Variants in ROR1 observed in about 807,000 individuals in gnomAD.
The protein encoded by ROR1 is ROR family WNT receptor 1.
ROR1 carries 19 observed loss-of-function variants against 78.8 expected under a neutral mutation model. That is an observed-to-expected ratio of 0.24 (90% CI 0.17 to 0.35). The LOEUF is 0.35. Ranked by LOEUF, ROR1 falls within the 10% of genes least tolerant of loss-of-function variation. The pLI is 1.00. For missense variants in ROR1, 917 were observed against 1,177.8 expected (o/e 0.78, Z 3.24); for synonymous variants, 386 against 433.6 (o/e 0.89, Z 1.36).
chr1:64,016,025 C>T (rs559367688), intron 2 of ROR1, among the ~76,000 whole-genome samples: 4 of 152,194 alleles, frequency 2.6e-5, no homozygotes, highest in African/African-American at 9.7e-5. Flanking sequence ...TCCCCACCAA[C>T]TCCCTTCTGT....
chr1:64,009,457 C>A, intron 2 of ROR1, 81 bp downstream of exon 2: 3 of 1,114,826 alleles, frequency 2.7e-6, no homozygotes, highest in South Asian at 1.3e-5. Flanking sequence ...TCTTTGAAAT[C>A]AACTGTTTTT....
chr1:64,040,612 C>A (rs1296717080), intron 2 of ROR1, among the ~76,000 whole-genome samples: 4 of 152,152 alleles, frequency 2.6e-5, no homozygotes, highest in Non-Finnish European at 5.9e-5. Context: ...GATCAGGACA[C>A]CAGCATGGTC....
rs928160138 is a variant in ROR1 at position 63,903,434 on chromosome 1, G to GT, written c.92-105860dup. Among the ~76,000 whole-genome samples, 526 of 145,646 alleles carry GT rather than the reference G, an allele frequency of 3.6e-3. 1 individual carries two copies. The highest frequency in any genetic ancestry group is 0.011 in the African/African-American group (425 of 39,928). ...TTATTTAGTTTGTCTTCCATTTTAG[G>GT]TTTTTTTTTTTACCCACTTCACTGA... is the stretch of plus-strand genomic sequence containing the variant. On this transcript the variant is annotated intron_variant, in intron 1 of 8. Coordinates refer to ENST00000371079, the MANE Select transcript of ROR1 (RefSeq NM_005012.4).
At chr1:63,918,213 C>G (rs964143367) in intron 1 of ROR1, among the ~76,000 whole-genome samples, 1 of 152,230 alleles carries the variant, frequency 6.6e-6, no homozygotes, top group Admixed American at 6.5e-5. Flanking sequence ...GTTGTACTTT[C>G]TGCCAAAGCG....
At chr1:64,095,119 C>T (rs1647264440) in intron 4 of ROR1, 2 of 152,162 alleles carry the variant, frequency 1.3e-5, no homozygotes, top group African/African-American at 4.8e-5. Context: ...ACTATAAAAT[C>T]TCCTGTTCAC....
intron 4 of ROR1, among the ~76,000 whole-genome samples, chr1:64,129,462 A>C (rs1648836660): frequency 6.6e-6 from 1 of 152,198 alleles, no homozygotes; most frequent in South Asian, 2.1e-4. Flanking sequence ...TGAATGCCTG[A>C]TATTTGGAGA....
intron 1 of ROR1, among the ~76,000 whole-genome samples, chr1:63,947,331 T>C (rs994710047): frequency 6.6e-6 from 1 of 152,202 alleles, no homozygotes; most frequent in African/African-American, 2.4e-5. Flanking sequence ...CTTAGAACTA[T>C]AATTTCCGTT....
intron 1 of ROR1, among the ~76,000 whole-genome samples, chr1:63,907,871 T>A (rs1268611958): frequency 2.0e-5 from 3 of 152,202 alleles, no homozygotes; most frequent in African/African-American, 4.8e-5. Flanking sequence ...CAGTTCTTTT[T>A]GTCCTGATAC....
chr1:64,122,552 G>A (rs1648579541), intron 4 of ROR1, among the ~76,000 whole-genome samples: 1 of 152,194 alleles, frequency 6.6e-6, no homozygotes, highest in Non-Finnish European at 1.5e-5. Flanking sequence ...CTTGTCCACT[G>A]CTGTGGCCCC....
chr1:63,889,779 GT>G (rs1450212426), intron 1 of ROR1, among the ~76,000 whole-genome samples: 1 of 152,204 alleles, frequency 6.6e-6, no homozygotes, highest in African/African-American at 2.4e-5. Context: ...CATTCAGGTA[GT>G]GGAGTATACC....
chr1:63,814,988 G>A (rs1644881693), intron 1 of ROR1, among the ~76,000 whole-genome samples: 1 of 152,198 alleles, frequency 6.6e-6, no homozygotes, highest in Non-Finnish European at 1.5e-5. Context: ...GCTTTGCCCA[G>A]TTCTGTCCTG....
At chr1:64,168,627 A>G (rs778886585) in intron 8 of ROR1, among the ~76,000 whole-genome samples, 6 of 152,216 alleles carry the variant, frequency 3.9e-5, no homozygotes, top group Admixed American at 2.0e-4. Context: ...AAACTAAAGG[A>G]AACTGGTGAT....
intron 2 of ROR1, among the ~76,000 whole-genome samples, chr1:64,033,160 C>T (rs770287671): frequency 3.9e-5 from 6 of 152,200 alleles, no homozygotes; most frequent in Non-Finnish European, 7.3e-5. Flanking sequence ...GAAAGTGCAA[C>T]GTCCTTGGTA....
chr1:64,032,314 C>T (rs1318377226), intron 2 of ROR1, among the ~76,000 whole-genome samples: 3 of 146,278 alleles, frequency 2.1e-5, no homozygotes, highest in Non-Finnish European at 4.5e-5. Flanking sequence ...GCAGTCCAGC[C>T]CAGTTGGCAA....
chr1:63,774,093 C>CG lies in ROR1; in HGVS notation c.-325_-324insG. On this transcript the variant is annotated 5_prime_UTR_variant, in exon 1 of 9. Transcript: ENST00000371079. This position sits in a 1 kb window ranked among gnomAD's most constrained non-coding sequence, Gnocchi z 5.7. The stretch of plus-strand genomic sequence containing the variant: ...CGCCGAGGGAGCCCCGGGACGGCAG[C>CG]CCCTGGGCGCAGGGTGCGCTGTTCT... The CG allele has an allele frequency of 5.8e-6, 1 of 171,992 alleles. No homozygotes were observed. The highest frequency in any genetic ancestry group is 2.4e-5 in the African/African-American group (1 of 41,980). The allele number at this position is 171,992 out of a possible 1,614,324, so 10.7% of individuals were successfully genotyped here. A position where few individuals can be genotyped will look rare whatever the true frequency, so the allele number is the denominator to read the frequency against.
At chr1:64,118,878 G>T (rs2806539) in intron 4 of ROR1, among the ~76,000 whole-genome samples, 147,608 of 152,208 alleles carry the variant, frequency 0.97, 71,692 homozygotes, top group East Asian at 1. Flanking sequence ...CTGGGCTATG[G>T]AAATTTTAAA....
At chr1:64,034,546 ACTCT>A (rs1243995244) in intron 2 of ROR1, among the ~76,000 whole-genome samples, 1 of 151,494 alleles carries the variant, frequency 6.6e-6, no homozygotes, top group Non-Finnish European at 1.5e-5. Context: ...TCTCTCTCAT[ACTCT>A]CTCTCACTCA....
At chr1:63,834,003 T>G (rs1049033737) in intron 1 of ROR1, among the ~76,000 whole-genome samples, 44 of 151,446 alleles carry the variant, frequency 2.9e-4, no homozygotes, top group Admixed American at 1.2e-3. Context: ...TTTTTTTTTT[T>G]TTTGTTTGTT....
intron 7 of ROR1, among the ~76,000 whole-genome samples, chr1:64,153,053 T>A (rs1649672820): frequency 6.6e-6 from 1 of 152,198 alleles, no homozygotes; most frequent in Non-Finnish European, 1.5e-5. Context: ...GAGATTTAAT[T>A]TTATACAACC....
Sources: gnomAD v4.1 joint callset for allele counts (sites outside exome capture counted in the v4.1 genomes callset) on GRCh38, gnomAD v4.1.1 for gene constraint, Gnocchi (gnomAD v3.1) non-coding constraint, MANE v1.5 for transcripts, NCBI Gene and HGNC (gene_info 2026-07-23, HGNC 2026-07-21) for gene names.